Variants in TRIO observed in about 807,000 individuals in gnomAD.
TRIO encodes triple functional domain protein.
In TRIO, 58 loss-of-function variants were observed where a neutral mutation model predicts 351.9. The ratio of observed to expected loss-of-function variants is 0.16; its 90% CI spans 0.13 to 0.21. The LOEUF is 0.21. TRIO is among the 10% of genes least tolerant of loss of function. TRIO has a pLI of 1.00. For missense variants in TRIO, 3,201 were observed against 4,027.8 expected (o/e 0.79, Z 5.56); for synonymous variants, 1,758 against 1,595.7 (o/e 1.10, Z -2.42).
chr5:14,214,499 T>TA (rs1792106170), intron 1 of TRIO, among the ~76,000 whole-genome samples: 1 of 152,140 alleles, frequency 6.6e-6, no homozygotes, highest in Non-Finnish European at 1.5e-5. Flanking sequence ...AGTTTGGAAA[T>TA]ACAGGTTAGT....
At chr5:14,456,678 GGAGACTTCAGAATTCTA>G (rs1358382338) in intron 34 of TRIO, among the ~76,000 whole-genome samples, 3 of 152,164 alleles carry the variant, frequency 2.0e-5, no homozygotes, top group Admixed American at 2.0e-4. Context: ...ATCTTCCCAT[GGAGACTTCAGAATTCTA>G]GAGCTCTGTG....
At chr5:14,311,099 C>T (rs1218932396) in intron 8 of TRIO, among the ~76,000 whole-genome samples, 2 of 152,224 alleles carry the variant, frequency 1.3e-5, no homozygotes, top group African/African-American at 4.8e-5. Context: ...GCCCATATGA[C>T]AGCTGTCTTC....
chr5:14,367,670 C>T (rs1744719373), intron 16 of TRIO, among the ~76,000 whole-genome samples: 2 of 152,056 alleles, frequency 1.3e-5, no homozygotes, highest in African/African-American at 4.8e-5. Flanking sequence ...GAGGTAATGT[C>T]AAAGGAAAAA....
intron 1 of TRIO, among the ~76,000 whole-genome samples, chr5:14,221,571 T>A (rs1453957206): frequency 6.6e-6 from 1 of 152,150 alleles, no homozygotes; most frequent in Non-Finnish European, 1.5e-5. Flanking sequence ...AGAAGGTGAT[T>A]CCAGTCTCGT....
intron 37 of TRIO, among the ~76,000 whole-genome samples, chr5:14,468,757 T>A (rs1280499208): frequency 1.3e-5 from 2 of 152,242 alleles, no homozygotes; most frequent in Non-Finnish European, 2.9e-5. Flanking sequence ...GAACACTGCA[T>A]TGTTTATTCT....
rs553358166 is a variant in TRIO, at chr5:14,399,563, A to G, written c.4614+493A>G. ...GAAATGTCATTATTAGAGAAAATAT[A>G]CTTAAGCCAAAGTACAGTCTGAAAG... is the stretch of plus-strand genomic sequence containing the variant. On this transcript the variant is annotated intron_variant, in intron 30 of 56. Coordinates refer to ENST00000344204, the MANE Select transcript of TRIO (RefSeq NM_007118.4). Among the ~76,000 whole-genome samples, 23 of 152,350 alleles carry G rather than the reference A, an allele frequency of 1.5e-4. No individual in the cohort carries two copies. In the South Asian group the frequency reaches 4.6e-3, roughly 30 times the overall value.
intron 5 of TRIO, among the ~76,000 whole-genome samples, chr5:14,292,006 A>G (rs762792756): frequency 4.3e-4 from 66 of 152,142 alleles, no homozygotes; most frequent in Non-Finnish European, 8.2e-4. Context: ...ATCCTTATCA[A>G]TTACTGGCTA....
chr5:14,471,772 A>C (rs1224983761), intron 38 of TRIO, among the ~76,000 whole-genome samples: 1 of 152,224 alleles, frequency 6.6e-6, no homozygotes, highest in African/African-American at 2.4e-5. Flanking sequence ...TTGTGAAAGA[A>C]AAAGTAATAT....
intron 31 of TRIO, among the ~76,000 whole-genome samples, chr5:14,405,322 C>T (rs1292140716): frequency 2.0e-5 from 3 of 152,154 alleles, no homozygotes; most frequent in Non-Finnish European, 2.9e-5. Context: ...GTCTCCCACC[C>T]GCAGAGTCCT....
intron 34 of TRIO, among the ~76,000 whole-genome samples, chr5:14,435,673 C>T (rs745313187): frequency 6.6e-6 from 1 of 152,160 alleles, no homozygotes; most frequent in Non-Finnish European, 1.5e-5. Flanking sequence ...CCATTCTTTA[C>T]TTATATCAGT....
intron 34 of TRIO, among the ~76,000 whole-genome samples, chr5:14,437,353 G>A (rs1038917233): frequency 1.8e-4 from 28 of 152,212 alleles, no homozygotes; most frequent in African/African-American, 6.3e-4. Flanking sequence ...TAGGTTAGTT[G>A]TTTTCTTCCC....
At chr5:14,202,294 ATTTTTTTTTTTTTTTTTTTTTTT>A (rs60827656) in intron 1 of TRIO, among the ~76,000 whole-genome samples, 30 of 33,564 alleles carry the variant, frequency 8.9e-4, no homozygotes, top group African/African-American at 2.9e-3. Context: ...TATTTTTGTG[ATTTTTTTTTTTTTTTTTTTTTTT>A]TTTTTTTTTT....
At chr5:14,146,272 T>G (rs575609042) in intron 1 of TRIO, among the ~76,000 whole-genome samples, 5 of 152,316 alleles carry the variant, frequency 3.3e-5, no homozygotes, top group Admixed American at 3.3e-4. Context: ...AATCTGGCTT[T>G]CTTTTCTAAG....
intron 33 of TRIO, among the ~76,000 whole-genome samples, chr5:14,414,044 T>A (rs1354882893): frequency 6.6e-6 from 1 of 152,248 alleles, no homozygotes; most frequent in Non-Finnish European, 1.5e-5. Flanking sequence ...CTTTGGTCAC[T>A]CAGGAAATAC....
At chr5:14,210,970 G>T (rs972467773) in intron 1 of TRIO, among the ~76,000 whole-genome samples, 2 of 151,458 alleles carry the variant, frequency 1.3e-5, no homozygotes, top group African/African-American at 2.4e-5. Flanking sequence ...TCCTGCCCTT[G>T]TAAGTTTGCC....
chr5:14,209,080 A>G (rs1377435307), intron 1 of TRIO, among the ~76,000 whole-genome samples: 1 of 152,244 alleles, frequency 6.6e-6, no homozygotes, highest in Non-Finnish European at 1.5e-5. Context: ...TTTCTGTTTC[A>G]TCTAGTCCTA....
intron 34 of TRIO, among the ~76,000 whole-genome samples, chr5:14,440,038 T>A (rs1751900815): frequency 6.6e-6 from 1 of 152,204 alleles, no homozygotes; most frequent in Admixed American, 6.5e-5. Flanking sequence ...ACCAAAATTT[T>A]AACTTTTTTT....
intron 53 of TRIO, among the ~76,000 whole-genome samples, chr5:14,502,016 G>A (rs1297616319): frequency 6.6e-6 from 1 of 152,162 alleles, no homozygotes; most frequent in Non-Finnish European, 1.5e-5. Context: ...TTTACAGTTG[G>A]CACTTTTATA....
At chr5:14,469,655 A>G (rs1331548310) in intron 37 of TRIO, among the ~76,000 whole-genome samples, 1 of 152,254 alleles carries the variant, frequency 6.6e-6, no homozygotes, top group South Asian at 2.1e-4. Context: ...AATGGGCCAC[A>G]TGAAGGCGAT....
Sources: gnomAD v4.1 joint callset for allele counts (sites outside exome capture counted in the v4.1 genomes callset) on GRCh38, gnomAD v4.1.1 for gene constraint, MANE v1.5 for transcripts, NCBI Gene and HGNC (gene_info 2026-07-23, HGNC 2026-07-21) for gene names.